TFDP2: variants seen among roughly 807,000 people sequenced by gnomAD.
TFDP2 encodes the protein transcription factor Dp-2 (E2F dimerization partner 2).
A neutral mutation model predicts 59.3 loss-of-function variants in TFDP2; 17 were observed. The observed-to-expected ratio is 0.29, with a 90% CI of 0.20 to 0.43. The LOEUF is 0.43. TFDP2 is among the 20% of genes least tolerant of loss of function. The pLI is 1.00. For synonymous variants in TFDP2, 180 were observed against 194.7 expected, an observed-to-expected ratio of 0.92 and a Z score of 0.63; for missense variants, 391 against 528.8, an observed-to-expected ratio of 0.74 and a Z score of 2.56.
chr3:142,031,495 A>G (rs1335873634), intron 3 of TFDP2, among the ~76,000 whole-genome samples: 1 of 152,148 alleles, frequency 6.6e-6, no homozygotes, highest in Non-Finnish European at 1.5e-5. Context: ...CTTTCTTGGC[A>G]CGTAGCATAA....
In TFDP2 at chr3:141,945,744, A is replaced by T. The variant is rs1418163880; in HGVS notation, c.*6769T>A. 1 of 152,260 alleles carries T rather than the reference A, an allele frequency of 6.6e-6. No individual in the cohort carries two copies. The highest frequency in any genetic ancestry group is 1.5e-5 in the Non-Finnish European group (1 of 68,052). 9.4% of individuals were successfully genotyped at this position (152,260 alleles called of 1,614,324 possible). A position where few individuals can be genotyped will look rare whatever the true frequency, so the allele number is the denominator to read the frequency against. ...AGGCCATGTGACATGAAGCTCGGCC[A>T]TGGTGAAGTATGGTAAGTGACAAAT... On this transcript the variant is annotated 3_prime_UTR_variant, in exon 13 of 13. Coordinates refer to ENST00000489671, the MANE Select transcript of TFDP2 (RefSeq NM_001178139.2).
At chr3:142,053,096 C>T (rs1947727917) in intron 3 of TFDP2, among the ~76,000 whole-genome samples, 1 of 152,230 alleles carries the variant, frequency 6.6e-6, no homozygotes, top group Non-Finnish European at 1.5e-5. Flanking sequence ...GCGTGAGCCA[C>T]CGCGCCCAGC....
chr3:142,005,299 A>C, intron 4 of TFDP2, 142 bp downstream of exon 4: 1 of 592,868 alleles, frequency 1.7e-6, no homozygotes, highest in Non-Finnish European at 2.9e-6. Context: ...TCGGCCTCCC[A>C]AAGTGTTGGG....
intron 3 of TFDP2, among the ~76,000 whole-genome samples, chr3:142,051,849 G>T (rs1218679235): frequency 6.6e-6 from 1 of 152,026 alleles, no homozygotes; most frequent in Non-Finnish European, 1.5e-5. Context: ...CATAAGGCTG[G>T]ACTTAGTGAC....
chr3:142,027,495 T>C (rs1260511642), intron 3 of TFDP2, among the ~76,000 whole-genome samples: 1 of 151,946 alleles, frequency 6.6e-6, no homozygotes, highest in East Asian at 1.9e-4. Context: ...TCCCTCTCCC[T>C]CTCCCTCTCC....
intron 3 of TFDP2, among the ~76,000 whole-genome samples, chr3:142,015,866 T>C (rs576028378): frequency 7.9e-5 from 12 of 152,350 alleles, no homozygotes; most frequent in Admixed American, 7.2e-4. Flanking sequence ...TATATTTCAC[T>C]TCAATTGCTG....
chr3:142,023,122 C>CAAAAAAAAAA (rs765096570), intron 3 of TFDP2, among the ~76,000 whole-genome samples: 26 of 59,546 alleles, frequency 4.4e-4, no homozygotes, highest in Non-Finnish European at 6.1e-4. Context: ...CCCTCCGTCT[C>CAAAAAAAAAA]AAAAAAAAAA....
At chr3:141,953,698 T>C (rs1936201636) in intron 11 of TFDP2, among the ~76,000 whole-genome samples, 1 of 152,000 alleles carries the variant, frequency 6.6e-6, no homozygotes, top group Non-Finnish European at 1.5e-5. Flanking sequence ...TAGTTACATA[T>C]GTATACATGT....
intron 3 of TFDP2, among the ~76,000 whole-genome samples, chr3:142,027,460 G>T (rs1354118813): frequency 6.6e-6 from 1 of 151,868 alleles, no homozygotes; most frequent in East Asian, 1.9e-4. Context: ...ACTGAAAGAA[G>T]AAAGACTCTC....
chr3:142,095,827 A>G (rs1367216972), intron 2 of TFDP2, among the ~76,000 whole-genome samples: 1 of 152,212 alleles, frequency 6.6e-6, no homozygotes, highest in Non-Finnish European at 1.5e-5. Flanking sequence ...TTCTACTTTA[A>G]AAAGAAAGCA....
In TFDP2 at chr3:141,951,154, G is replaced by C. The variant is rs190185504; in HGVS notation, c.*1359C>G. The stretch of plus-strand genomic sequence containing the variant: ...TCTTGGGACAAATCCACATGATTCA[G>C]GTCAAAGTTTTGGAGTTAATTCTCC... On this transcript the variant is annotated 3_prime_UTR_variant, in exon 13 of 13. Transcript: ENST00000489671. 2 of 152,242 alleles carry C rather than the reference G, an allele frequency of 1.3e-5. No individual in the cohort carries two copies. The highest frequency in any genetic ancestry group is 1.3e-4 in the Admixed American group (2 of 15,298). The allele number at this position is 152,242 out of a possible 1,614,324, so 9.4% of individuals were successfully genotyped here.
chr3:141,965,112 G>A (rs1438260982), intron 9 of TFDP2, among the ~76,000 whole-genome samples: 1 of 151,972 alleles, frequency 6.6e-6, no homozygotes, highest in Non-Finnish European at 1.5e-5. Flanking sequence ...GTAAATGTAC[G>A]ATAGAATTTC....
chr3:141,991,515 T>C (rs938913932), intron 6 of TFDP2, among the ~76,000 whole-genome samples: 16 of 152,138 alleles, frequency 1.1e-4, no homozygotes, highest in African/African-American at 3.9e-4. Context: ...TCTCAGCACT[T>C]TGGGAGGCCA....
At chr3:142,140,956 C>G (rs2062930687) in intron 1 of TFDP2, among the ~76,000 whole-genome samples, 1 of 152,240 alleles carries the variant, frequency 6.6e-6, no homozygotes, top group Non-Finnish European at 1.5e-5. Context: ...TTTTGTTCTG[C>G]TATGCCCTGC....
intron 3 of TFDP2, among the ~76,000 whole-genome samples, chr3:142,013,630 C>A (rs1007421650): frequency 6.6e-6 from 1 of 152,158 alleles, no homozygotes; most frequent in East Asian, 1.9e-4. Flanking sequence ...GATCAATCAC[C>A]TAGAGAAGTG....
intron 7 of TFDP2, among the ~76,000 whole-genome samples, chr3:141,977,127 TTCC>T (rs1435123697): frequency 0.036 from 4,486 of 124,502 alleles, 110 homozygotes; most frequent in African/African-American, 0.062. Context: ...TTTTTTTTTT[TTCC>T]CCCCAAAGAG....
intron 3 of TFDP2, among the ~76,000 whole-genome samples, chr3:142,017,683 G>T (rs1945246538): frequency 1.3e-5 from 2 of 150,606 alleles, no homozygotes; most frequent in Non-Finnish European, 2.9e-5. Flanking sequence ...CTCCTGAGTA[G>T]CTTGGATTAC....
At chr3:142,141,769 G>A (rs1031253977) in intron 1 of TFDP2, among the ~76,000 whole-genome samples, 1 of 151,832 alleles carries the variant, frequency 6.6e-6, no homozygotes, top group African/African-American at 2.4e-5. Flanking sequence ...GTTGCAGTGA[G>A]CCGATATCAT....
chr3:142,145,690 T>A (rs1238180934), intron 1 of TFDP2: 6 of 150,844 alleles, frequency 4.0e-5, no homozygotes, highest in Admixed American at 2.7e-4. Flanking sequence ...CCAGCCTGGG[T>A]GACAGAGAGA....
Sources: gnomAD v4.1 joint callset for allele counts (sites outside exome capture counted in the v4.1 genomes callset) on GRCh38, gnomAD v4.1.1 for gene constraint, MANE v1.5 for transcripts, NCBI Gene and HGNC (gene_info 2026-07-23, HGNC 2026-07-21) for gene names.